The following AGBL1 variants were observed in gnomAD, a reference collection of about 807,000 sequenced individuals.
AGBL1 encodes cytosolic carboxypeptidase 4.
In AGBL1, 130 loss-of-function variants were observed where a neutral mutation model predicts 118.9. The observed-to-expected ratio is 1.09, with a 90% CI of 0.95 to 1.26. The LOEUF is 1.26. Ranked by LOEUF, AGBL1 falls within the 50% of genes most tolerant of loss-of-function variation. AGBL1 has a pLI of 0.00. For missense variants in AGBL1, 1,584 were observed against 1,298.1 expected, an observed-to-expected ratio of 1.22 and a Z score of -3.38; for synonymous variants, 555 against 478.9, an observed-to-expected ratio of 1.16 and a Z score of -2.08.
intron 23 of AGBL1, among the ~76,000 whole-genome samples, chr15:86,936,486 C>G (rs1257958899): frequency 6.6e-6 from 1 of 152,062 alleles, no homozygotes; most frequent in Non-Finnish European, 1.5e-5. Flanking sequence ...GCAGGACATT[C>G]AAGATACGGG....
chr15:86,633,523 C>T (rs1243859173), intron 21 of AGBL1, among the ~76,000 whole-genome samples: 1 of 152,012 alleles, frequency 6.6e-6, no homozygotes, highest in Admixed American at 6.6e-5. Context: ...TAAATAAATA[C>T]TGCTGAAAGA....
intron 23 of AGBL1, among the ~76,000 whole-genome samples, chr15:86,957,254 C>T (rs9672267): frequency 0.065 from 9,907 of 152,086 alleles, 422 homozygotes; most frequent in South Asian, 0.19. Flanking sequence ...GTAAATATAT[C>T]TACTAAAATC....
At chr15:86,522,971 G>A in intron 19 of AGBL1, 32 bp downstream of exon 19, 2 of 1,606,392 alleles carry the variant, frequency 1.2e-6, no homozygotes, top group Non-Finnish European at 1.7e-6. Context: ...CCACCTTCCT[G>A]GCTGCTTCCT....
chr15:86,467,044 C>T (rs926667684), intron 18 of AGBL1, among the ~76,000 whole-genome samples: 54 of 152,254 alleles, frequency 3.5e-4, no homozygotes, highest in Non-Finnish European at 7.3e-5. Flanking sequence ...CGTGCAGGAA[C>T]ATTTAATTCT....
intron 21 of AGBL1, among the ~76,000 whole-genome samples, chr15:86,594,456 G>A (rs1310119778): frequency 6.6e-6 from 1 of 152,048 alleles, no homozygotes; most frequent in African/African-American, 2.4e-5. Flanking sequence ...TTTTTATTAA[G>A]TAAACTGAAG....
At chr15:86,202,745 C>T (rs1413652422) in intron 5 of AGBL1, among the ~76,000 whole-genome samples, 1 of 152,218 alleles carries the variant, frequency 6.6e-6, no homozygotes, top group South Asian at 2.1e-4. Flanking sequence ...GGAAAAATTG[C>T]CCTCCATCTC....
chr15:86,917,646 TC>T (rs2080440484), downstream of AGBL1, among the ~76,000 whole-genome samples: 1 of 152,172 alleles, frequency 6.6e-6, no homozygotes, highest in African/African-American at 2.4e-5. This position sits in a 1 kb window ranked among gnomAD's most constrained non-coding sequence, Gnocchi z 4.8. Flanking sequence ...GTTGGAGACT[TC>T]CTTTAGTGAG....
chr15:86,966,752 T>C (rs147310182), intron 23 of AGBL1, among the ~76,000 whole-genome samples: 12,918 of 152,102 alleles, frequency 0.085, 737 homozygotes, highest in East Asian at 0.25. Flanking sequence ...TGGTTCCAAG[T>C]CTTTGCTATT....
At chr15:86,943,261 G>A (rs537351829) in intron 23 of AGBL1, among the ~76,000 whole-genome samples, 1 of 152,274 alleles carries the variant, frequency 6.6e-6, no homozygotes, top group Non-Finnish European at 1.5e-5. Context: ...TAAGGAAGAA[G>A]AAAAATGGCA....
At chr15:86,991,714 T>C (rs184078595) in intron 24 of AGBL1, among the ~76,000 whole-genome samples, 65 of 152,282 alleles carry the variant, frequency 4.3e-4, no homozygotes, top group African/African-American at 1.5e-3. Context: ...TGAGTACTTA[T>C]GTCAATTCTC....
chr15:86,827,938 C>CTTTTTTTTTTTTTTTTTTTTTT (rs71144074), intron 22 of AGBL1, among the ~76,000 whole-genome samples: 570 of 16,742 alleles, frequency 0.034, 200 homozygotes, highest in Non-Finnish European at 0.05. Context: ...TGATGTAGGG[C>CTTTTTTTTTTTTTTTTTTTTTT]TTTTTTTTTT....
chr15:86,221,141 T>G (rs1281425264), intron 5 of AGBL1, among the ~76,000 whole-genome samples: 1 of 152,052 alleles, frequency 6.6e-6, no homozygotes, highest in Non-Finnish European at 1.5e-5. Context: ...GAGGTTGCAG[T>G]GAGCTGAGAT....
intron 17 of AGBL1, among the ~76,000 whole-genome samples, chr15:86,325,318 T>C (rs2080168384): frequency 6.6e-6 from 1 of 152,218 alleles, no homozygotes; most frequent in African/African-American, 2.4e-5. Flanking sequence ...TAGATGATGC[T>C]GTCATTTTCC....
intron 23 of AGBL1, chr15:86,939,769 G>C (rs113115875): frequency 1.4e-4 from 21 of 152,218 alleles, no homozygotes; most frequent in Non-Finnish European, 2.9e-5. Context: ...CTGATCACCT[G>C]AGTGGCAAAT....
chr15:86,660,981 G>A (rs528931320), intron 21 of AGBL1, among the ~76,000 whole-genome samples: 1 of 152,298 alleles, frequency 6.6e-6, no homozygotes, highest in Admixed American at 6.5e-5. Context: ...AGCAGGTAAT[G>A]TAAATTCAGG....
chr15:86,192,584 C>A (rs1478510632), intron 5 of AGBL1, among the ~76,000 whole-genome samples: 1 of 151,878 alleles, frequency 6.6e-6, no homozygotes, highest in Non-Finnish European at 1.5e-5. Context: ...CTCCTTTGAC[C>A]CAGAAATTTC....
At chr15:86,548,659 G>GCA (rs1383976995) in intron 20 of AGBL1, among the ~76,000 whole-genome samples, 1,764 of 100,976 alleles carry the variant, frequency 0.017, 43 homozygotes, top group African/African-American at 0.071. Flanking sequence ...ACACACACAT[G>GCA]CACGCACACA....
At chr15:86,932,530 G>C (rs2080618126) in intron 23 of AGBL1, among the ~76,000 whole-genome samples, 1 of 152,186 alleles carries the variant, frequency 6.6e-6, no homozygotes, top group Non-Finnish European at 1.5e-5. Flanking sequence ...GGGTGTTGAA[G>C]CCAGAGAATT....
intron 17 of AGBL1, among the ~76,000 whole-genome samples, chr15:86,311,253 C>T (rs1567192926): frequency 6.6e-6 from 1 of 152,182 alleles, no homozygotes; most frequent in Non-Finnish European, 1.5e-5. Flanking sequence ...TTTCCTTTGG[C>T]AGGTTGTTCA....
Sources: gnomAD v4.1 joint callset for allele counts (sites outside exome capture counted in the v4.1 genomes callset) on GRCh38, gnomAD v4.1.1 for gene constraint, Gnocchi (gnomAD v3.1) non-coding constraint, MANE v1.5 for transcripts, NCBI Gene and HGNC (gene_info 2026-07-23, HGNC 2026-07-21) for gene names.